Variants in SEPTIN9 observed in about 807,000 individuals in gnomAD.
SEPTIN9 encodes septin 9.
SEPTIN9 carries 13 observed loss-of-function variants against 56.6 expected under a neutral mutation model. The ratio of observed to expected loss-of-function variants is 0.23; its 90% CI spans 0.15 to 0.37. The LOEUF (loss-of-function observed/expected upper bound fraction) is 0.37, where lower values mean the gene tolerates loss of function less well. Among genes scored for constraint, SEPTIN9 ranks in the 10% least tolerant of loss-of-function variants. The pLI is 1.00. For synonymous variants in SEPTIN9, 332 were observed against 334.1 expected, an observed-to-expected ratio of 0.99 and a Z score of 0.07; for missense variants, 650 against 823.1, an observed-to-expected ratio of 0.79 and a Z score of 2.57.
intron 3 of SEPTIN9, among the ~76,000 whole-genome samples, chr17:77,478,362 A>G (rs893653035): frequency 3.9e-5 from 6 of 152,266 alleles, no homozygotes; most frequent in African/African-American, 1.4e-4. Flanking sequence ...GTAGCATCCC[A>G]TAATTCCACT....
At chr17:77,443,885 G>A (rs947408051) in intron 3 of SEPTIN9, among the ~76,000 whole-genome samples, 9 of 152,178 alleles carry the variant, frequency 5.9e-5, no homozygotes, top group African/African-American at 1.7e-4. Flanking sequence ...GAGGTAGGGC[G>A]AGCACTTCTT....
In SEPTIN9 at chr17:77,371,748, C is replaced by T. The variant is rs1047936032; in HGVS notation, c.77-30311C>T. Among the ~76,000 whole-genome samples, 3 of 152,130 alleles carry T rather than the reference C, an allele frequency of 2.0e-5. No individual in the cohort carries two copies. Among genetic ancestry groups the T allele is most frequent in the Admixed American group, 6.5e-5 (1 of 15,280 alleles). On this transcript the variant is annotated intron_variant, in intron 2 of 11. Coordinates refer to ENST00000427177, the MANE Select transcript of SEPTIN9 (RefSeq NM_001113491.2). The surrounding 1 kb of genome is among the most constrained non-coding windows in gnomAD (Gnocchi z 4.1). ...ATTTCTGAAACCCGGGCTCCCAGGC[C>T]GACGAGGGTGTGCACGCATCTGAAA...
Position 77,499,498 on chromosome 17 carries a change from G to T in SEPTIN9, c.*840G>T. 2.1e-6 allele frequency: 1 copy of T among 487,292 alleles called. No homozygotes were observed. The highest frequency in any genetic ancestry group is 4.0e-6 in the Non-Finnish European group (1 of 250,688). The allele number at this position is 487,292 out of a possible 1,614,324, so 30.2% of individuals were successfully genotyped here. A position where few individuals can be genotyped will look rare whatever the true frequency, so the allele number is the denominator to read the frequency against. Reference sequence around the variant, plus strand: ...ATCCCCCAGTTTTGAAAAGGTCTAAGCAAGTGAGTCTGGTGGAGGAGCTGA... The same window carrying T: ...ATCCCCCAGTTTTGAAAAGGTCTAATCAAGTGAGTCTGGTGGAGGAGCTGA... On this transcript the variant is annotated 3_prime_UTR_variant, in exon 12 of 12. Transcript: ENST00000427177.
chr17:77,497,917 C>T (rs2040340263), intron 11 of SEPTIN9, among the ~76,000 whole-genome samples: 1 of 148,760 alleles, frequency 6.7e-6, no homozygotes, highest in African/African-American at 2.5e-5. Context: ...AGAGGAGGGG[C>T]CTCCAGGTTG....
chr17:77,365,702 A>G (rs1358901892), intron 2 of SEPTIN9, among the ~76,000 whole-genome samples: 2 of 151,692 alleles, frequency 1.3e-5, no homozygotes, highest in East Asian at 3.9e-4. Context: ...GCCACTCCCA[A>G]CCTCCACCCT....
intron 10 of SEPTIN9, among the ~76,000 whole-genome samples, chr17:77,496,524 A>G (rs377486710): frequency 1.3e-5 from 2 of 152,096 alleles, no homozygotes; most frequent in East Asian, 3.9e-4. Context: ...ACAGTTACAC[A>G]TGCCAGGCAC....
chr17:77,361,790 G>A lies in SEPTIN9; in HGVS notation c.77-40269G>A, dbSNP rs541210178. ...TGGGACTACAGGCGCCTGCCACCGC[G>A]TCCGGCTAATTTTTTGTATTTTTAG... On this transcript the variant is annotated intron_variant, in intron 2 of 11. Transcript: ENST00000427177. Among the ~76,000 whole-genome samples, 224 of 152,144 alleles carry A rather than the reference G, an allele frequency of 1.5e-3. 1 individual carries two copies. Among genetic ancestry groups the A allele is most frequent in the African/African-American group, 5.1e-3 (213 of 41,518 alleles).
chr17:77,344,362 G>A (rs1181466329), intron 2 of SEPTIN9, among the ~76,000 whole-genome samples: 2 of 152,212 alleles, frequency 1.3e-5, no homozygotes, highest in African/African-American at 4.8e-5. Context: ...ATAACAGCAA[G>A]TGTTGGCAAG....
intron 2 of SEPTIN9, among the ~76,000 whole-genome samples, chr17:77,347,805 T>C (rs551528199): frequency 2.0e-5 from 3 of 152,284 alleles, no homozygotes; most frequent in African/African-American, 4.8e-5. Context: ...ATAACTTACA[T>C]GAGATAGTCA....
chr17:77,439,785 G>A (rs1428200557), intron 3 of SEPTIN9, among the ~76,000 whole-genome samples: 1 of 152,224 alleles, frequency 6.6e-6, no homozygotes, highest in African/African-American at 2.4e-5. Context: ...CCCCGCCCTG[G>A]GCCTTCGCCT....
Position 77,429,336 on chromosome 17 carries a change from C to T in SEPTIN9, c.721+26633C>T. Reference sequence around the variant, plus strand: ...CCTCGCCACGACTGGCTCCTGCAGCCCACCTGGCTGAGAGGTGTGCTGGCT... The same window carrying T: ...CCTCGCCACGACTGGCTCCTGCAGCTCACCTGGCTGAGAGGTGTGCTGGCT... On this transcript the variant is annotated intron_variant, in intron 3 of 11. Coordinates refer to ENST00000427177, the MANE Select transcript of SEPTIN9 (RefSeq NM_001113491.2). This position sits in a 1 kb window ranked among gnomAD's most constrained non-coding sequence, Gnocchi z 5.2. 1 of 464,406 alleles carries T rather than the reference C, an allele frequency of 2.2e-6. No individual in the cohort carries two copies. The highest frequency in any genetic ancestry group is 1.6e-5 in the South Asian group (1 of 64,032). The allele number at this position is 464,406 out of a possible 1,614,324, so 28.8% of individuals were successfully genotyped here.
At chr17:77,365,038 G>A (rs779315341) in intron 2 of SEPTIN9, among the ~76,000 whole-genome samples, 1 of 152,202 alleles carries the variant, frequency 6.6e-6, no homozygotes, top group Non-Finnish European at 1.5e-5. Flanking sequence ...CAGAAGAGAC[G>A]ATGTCCCCAG....
At chr17:77,304,424 C>A (rs887715239) in intron 1 of SEPTIN9, among the ~76,000 whole-genome samples, 3 of 152,242 alleles carry the variant, frequency 2.0e-5, no homozygotes, top group Non-Finnish European at 4.4e-5. Flanking sequence ...TCTCCACCCC[C>A]ATGCTGGGTT....
intron 1 of SEPTIN9, among the ~76,000 whole-genome samples, chr17:77,290,547 G>A (rs968652603): frequency 1.3e-4 from 19 of 151,820 alleles, no homozygotes; most frequent in Admixed American, 4.6e-4. Flanking sequence ...AATTCTTAGG[G>A]CCGGGAGCGG....
intron 1 of SEPTIN9, among the ~76,000 whole-genome samples, chr17:77,300,409 G>T (rs1444232071): frequency 6.6e-6 from 1 of 152,150 alleles, no homozygotes; most frequent in South Asian, 2.1e-4. Flanking sequence ...GTCTAGGCAG[G>T]GGGTGGGGGC....
chr17:77,344,121 G>C (rs1236581062), intron 2 of SEPTIN9, among the ~76,000 whole-genome samples: 1 of 151,954 alleles, frequency 6.6e-6, no homozygotes, highest in East Asian at 1.9e-4. Context: ...TTTGAAAATC[G>C]TATATCCGAT....
chr17:77,464,567 A>T (rs921821629), intron 3 of SEPTIN9, among the ~76,000 whole-genome samples: 12 of 152,018 alleles, frequency 7.9e-5, no homozygotes, highest in Admixed American at 4.6e-4. Flanking sequence ...CCGGTTACCT[A>T]GGTGCCCCAT....
chr17:77,287,744 G>A, intron 1 of SEPTIN9: 1 of 376,326 alleles, frequency 2.7e-6, no homozygotes, highest in Non-Finnish European at 3.8e-6. Context: ...CTTGCCAATG[G>A]CCTCTCGGCA....
Position 77,474,325 on chromosome 17 carries a change from G to A in SEPTIN9, c.722-7819G>A, listed in dbSNP as rs562437890. Among the ~76,000 whole-genome samples, 15 of 152,374 alleles carry A rather than the reference G, an allele frequency of 9.8e-5. No individual in the cohort carries two copies. The South Asian group carries it at 2.9e-3, about 29-fold the overall frequency. On this transcript the variant is annotated intron_variant, in intron 3 of 11. Transcript: ENST00000427177. ...TCCTGGGAGAGCCATAGGCAGGCCT[G>A]AGAGGGCCCCTGGAATCTGGGACCC...
Sources: allele counts gnomAD v4.1 joint callset (sites outside exome capture counted in the v4.1 genomes callset), GRCh38; gene constraint gnomAD v4.1.1; non-coding constraint Gnocchi (gnomAD v3.1); transcripts MANE v1.5; gene names NCBI Gene and HGNC (gene_info 2026-07-23, HGNC 2026-07-21).